VPS37A: variants seen among roughly 807,000 people sequenced by gnomAD.
VPS37A encodes the protein VPS37A subunit of ESCRT-I.
Under a neutral mutation model 49.8 loss-of-function variants are expected in VPS37A, and 30 were observed. That is an observed-to-expected ratio of 0.60 (90% CI 0.45 to 0.82). The LOEUF (loss-of-function observed/expected upper bound fraction) is 0.82, where lower values mean the gene tolerates loss of function less well. Ranked by LOEUF, VPS37A falls within the 40% of genes least tolerant of loss-of-function variation. VPS37A has a pLI of 0.00. For missense variants in VPS37A, 593 were observed against 464.4 expected (o/e 1.28, Z -2.55); for synonymous variants, 195 against 160.6 (o/e 1.21, Z -1.62).
chr8:17,304,929 G>C (rs1398666918), downstream of VPS37A, among the ~76,000 whole-genome samples: 1 of 152,082 alleles, frequency 6.6e-6, no homozygotes, highest in Non-Finnish European at 1.5e-5. Flanking sequence ...GAGGAATAGA[G>C]AGAATAAGTG....
chr8:17,249,156 GAGTT>G (rs1811744149), intron 1 of VPS37A, among the ~76,000 whole-genome samples: 1 of 152,098 alleles, frequency 6.6e-6, no homozygotes, highest in African/African-American at 2.4e-5. Flanking sequence ...TTCGAGGTTG[GAGTT>G]TAATTTTTTA....
intron 9 of VPS37A, among the ~76,000 whole-genome samples, 162 bp downstream of exon 9, chr8:17,280,605 G>C (rs1814966680): frequency 6.6e-6 from 1 of 151,774 alleles, no homozygotes; most frequent in South Asian, 2.1e-4. Context: ...TCAGTGATGA[G>C]GCATCATACA....
At chr8:17,292,015 C>T (rs1268909237) in intron 11 of VPS37A, among the ~76,000 whole-genome samples, 2 of 152,162 alleles carry the variant, frequency 1.3e-5, no homozygotes, top group African/African-American at 4.8e-5. Flanking sequence ...CAGTTCAAGT[C>T]CTGAATATCC....
the VPS37A span, among the ~76,000 whole-genome samples, chr8:17,319,141 A>G: frequency 6.6e-6 from 1 of 152,168 alleles, no homozygotes; most frequent in Non-Finnish European, 1.5e-5. Flanking sequence ...GCACGTAGCA[A>G]TGTTTAAGGG....
At chr8:17,256,307 T>A (rs1812453102) in intron 1 of VPS37A, among the ~76,000 whole-genome samples, 2 of 138,694 alleles carry the variant, frequency 1.4e-5, no homozygotes, top group Admixed American at 7.2e-5. Flanking sequence ...TTTTTTTTTT[T>A]TTTTTTTTTT....
At chr8:17,333,117 T>C in the VPS37A span, among the ~76,000 whole-genome samples, 1 of 152,178 alleles carries the variant, frequency 6.6e-6, no homozygotes, top group East Asian at 1.9e-4. Flanking sequence ...CCCTGCTCCA[T>C]GACGTGGCTT....
At chr8:17,257,193 C>T (rs1031981202) in intron 1 of VPS37A, among the ~76,000 whole-genome samples, 2 of 152,034 alleles carry the variant, frequency 1.3e-5, no homozygotes, top group Non-Finnish European at 2.9e-5. Context: ...ATCCTTTCTC[C>T]GTTGTATGTT....
chr8:17,309,164 A>G, the VPS37A span: 3 of 713,896 alleles, frequency 4.2e-6, no homozygotes, highest in South Asian at 3.4e-5. Flanking sequence ...AGCTTTCTGA[A>G]TAAGAGACAC....
chr8:17,261,507 C>A (rs185943067), intron 1 of VPS37A, among the ~76,000 whole-genome samples: 4 of 152,122 alleles, frequency 2.6e-5, no homozygotes, highest in African/African-American at 9.7e-5. Context: ...AGTCAGGCTC[C>A]CTGTTTGCTC....
At chr8:17,311,221 T>C in the VPS37A span, among the ~76,000 whole-genome samples, 3 of 152,140 alleles carry the variant, frequency 2.0e-5, no homozygotes, top group African/African-American at 7.2e-5. Context: ...AAATGATATA[T>C]AAAATTGGCT....
the VPS37A span, among the ~76,000 whole-genome samples, chr8:17,323,904 C>A: frequency 6.6e-6 from 1 of 152,290 alleles, no homozygotes; most frequent in Middle Eastern, 3.4e-3. Flanking sequence ...TCTTGGTTAA[C>A]AGAACAATAA....
chr8:17,280,456 A>AT lies in VPS37A; in HGVS notation c.969+20dup. ...TGAACTTAGTGAGGTAAGACTGTTTATTTTTTTCCCTTTGCCATAGATTTT... is the reference window on the plus strand; with the variant it reads ...TGAACTTAGTGAGGTAAGACTGTTTATTTTTTTTCCCTTTGCCATAGATTTT... On this transcript the variant is annotated intron_variant, in intron 9 of 11. Coordinates refer to ENST00000324849, the MANE Select transcript of VPS37A (RefSeq NM_152415.3). The AT allele has an allele frequency of 6.3e-7, 1 of 1,580,166 alleles. No homozygotes were observed. Among genetic ancestry groups the AT allele is most frequent in the Non-Finnish European group, 8.5e-7 (1 of 1,170,470 alleles).
intron 1 of VPS37A, among the ~76,000 whole-genome samples, chr8:17,263,227 A>G (rs1813125646): frequency 6.6e-6 from 1 of 152,180 alleles, no homozygotes; most frequent in Admixed American, 6.5e-5. Context: ...ATAGAGCAAT[A>G]TGTTTACAGT....
In VPS37A at chr8:17,276,305, G is replaced by A. The variant is rs952786295; in HGVS notation, c.643-92G>A. 1.3e-5 allele frequency: 12 copies of A among 948,408 alleles called. No homozygotes were observed. The Admixed American group carries it at 2.4e-4, about 19-fold the overall frequency. 58.7% of individuals were successfully genotyped at this position (948,408 alleles called of 1,614,324 possible). ...AAATATGATAATGCAAACAGTTATG[G>A]GATATAGTACATTAAAGATTACGTT... is the stretch of plus-strand genomic sequence containing the variant. On this transcript the variant is annotated intron_variant, in intron 5 of 11. Coordinates refer to ENST00000324849, the MANE Select transcript of VPS37A (RefSeq NM_152415.3).
the VPS37A span, among the ~76,000 whole-genome samples, chr8:17,308,577 CTAAATT>C: frequency 3.3e-5 from 5 of 152,136 alleles, no homozygotes; most frequent in South Asian, 6.2e-4. Flanking sequence ...AACTTGCTGC[CTAAATT>C]TAAATTTTAT....
At chr8:17,255,293 CA>C (rs879845555) in intron 1 of VPS37A, among the ~76,000 whole-genome samples, 1 of 152,102 alleles carries the variant, frequency 6.6e-6, no homozygotes, top group Non-Finnish European at 1.5e-5. Flanking sequence ...CCAGCCTGGC[CA>C]ACATGGTGAA....
the VPS37A span, chr8:17,326,277 C>A: frequency 6.6e-6 from 1 of 152,142 alleles, no homozygotes; most frequent in East Asian, 1.9e-4. Flanking sequence ...CTCTGTGCCT[C>A]AATTTCCTCA....
At chr8:17,264,836 C>T (rs1268640379) in intron 1 of VPS37A, among the ~76,000 whole-genome samples, 1 of 152,150 alleles carries the variant, frequency 6.6e-6, no homozygotes, top group Non-Finnish European at 1.5e-5. Flanking sequence ...TTGGAAATAT[C>T]ATGAATATTG....
chr8:17,285,234 G>A (rs894076317), intron 10 of VPS37A, among the ~76,000 whole-genome samples: 5 of 152,060 alleles, frequency 3.3e-5, no homozygotes, highest in Non-Finnish European at 7.4e-5. Flanking sequence ...ATACAAGCAG[G>A]TAAATCAAAT....
Sources: gnomAD v4.1 joint callset for allele counts (sites outside exome capture counted in the v4.1 genomes callset) on GRCh38, gnomAD v4.1.1 for gene constraint, MANE v1.5 for transcripts, NCBI Gene and HGNC (gene_info 2026-07-23, HGNC 2026-07-21) for gene names.